The following RLF variants were observed in gnomAD, a reference collection of about 807,000 sequenced individuals.
RLF encodes zinc finger protein Rlf.
RLF carries 7 observed loss-of-function variants against 162.9 expected under a neutral mutation model. That is an observed-to-expected ratio of 0.04 (90% CI 0.02 to 0.08). The LOEUF (loss-of-function observed/expected upper bound fraction) is 0.08. Ranked by LOEUF, RLF falls within the 10% of genes least tolerant of loss-of-function variation. The pLI is 1.00. For synonymous variants in RLF, 782 were observed against 791.5 expected (o/e 0.99, Z 0.20); for missense variants, 1,664 against 2,244.7 (o/e 0.74, Z 5.23).
intron 5 of RLF, among the ~76,000 whole-genome samples, chr1:40,214,834 G>A (rs563692122): frequency 6.1e-4 from 83 of 137,046 alleles, no homozygotes; most frequent in African/African-American, 2.2e-3. Flanking sequence ...GAGGTGGGAG[G>A]ATCACTTGAG....
At chr1:40,196,168 A>G (rs1200190664) in intron 4 of RLF, among the ~76,000 whole-genome samples, 2 of 149,968 alleles carry the variant, frequency 1.3e-5, no homozygotes, top group African/African-American at 2.5e-5. Flanking sequence ...CTCTGCCTCC[A>G]GTGTTGAAGC....
intron 1 of RLF, among the ~76,000 whole-genome samples, chr1:40,186,194 C>T (rs1642478121): frequency 6.6e-6 from 1 of 151,826 alleles, no homozygotes; most frequent in South Asian, 2.1e-4. Flanking sequence ...CCTGGCTAGC[C>T]ACAGTGGTTC....
intron 5 of RLF, among the ~76,000 whole-genome samples, chr1:40,212,923 A>T (rs542709103): frequency 6.6e-6 from 1 of 152,312 alleles, no homozygotes; most frequent in South Asian, 2.1e-4. Context: ...AAGAATCAAG[A>T]TTAAGATGAA....
Position 40,161,411 on chromosome 1 carries a change from A to G in RLF, c.12A>G (p.Gly4=), listed in dbSNP as rs1478242160. The part of the protein sequence containing the change: MAD[G]KGDAAAVAGA... ...TGGGCCGTGGGAAGATGGCGGACGG[A>G]AAGGGAGACGCCGCCGCTGTCGCCG... The change falls in exon 1 of 8, where the codon GGA becomes GGG. Residue 4 remains glycine (G), a synonymous_variant. Transcript: ENST00000372771. This position sits in a 1 kb window ranked among gnomAD's most constrained non-coding sequence, Gnocchi z 4.4. The G allele has an allele frequency of 5.8e-6, 9 of 1,541,988 alleles. No homozygotes were observed. In the East Asian group the frequency reaches 9.7e-5, roughly 17 times the overall value.
chr1:40,235,110 G>A (rs1570566202), intron 7 of RLF, among the ~76,000 whole-genome samples: 1 of 138,996 alleles, frequency 7.2e-6, no homozygotes, highest in Non-Finnish European at 1.5e-5. Context: ...TGCCCAGGCT[G>A]GAGTGCAATG....
chr1:40,171,682 A>G (rs1038598677), intron 1 of RLF, among the ~76,000 whole-genome samples: 40 of 152,354 alleles, frequency 2.6e-4, no homozygotes, highest in African/African-American at 9.6e-4. Flanking sequence ...AAAGTACCAT[A>G]TAAACTCACT....
At chr1:40,217,846 A>G (rs1195209137) in intron 5 of RLF, among the ~76,000 whole-genome samples, 1 of 152,214 alleles carries the variant, frequency 6.6e-6, no homozygotes, top group Non-Finnish European at 1.5e-5. Flanking sequence ...AAGAAGTAAC[A>G]TATAACCAGC....
intron 6 of RLF, among the ~76,000 whole-genome samples, chr1:40,224,623 C>CCTTTTTTTTTTTTT (rs1643042674): frequency 3.0e-5 from 1 of 33,262 alleles, no homozygotes; most frequent in African/African-American, 1.2e-4. Context: ...TTTTTGAAAG[C>CCTTTTTTTTTTTTT]TTTTTTTTTT....
rs542490624 is a variant in RLF, at chr1:40,162,512, A to C, written c.237+876A>C. Among the ~76,000 whole-genome samples, 51 of 152,356 alleles carry C rather than the reference A, an allele frequency of 3.3e-4. 1 individual carries two copies. The South Asian group carries it at 9.5e-3, about 28-fold the overall frequency. On this transcript the variant is annotated intron_variant, in intron 1 of 7. Transcript: ENST00000372771. The stretch of plus-strand genomic sequence containing the variant: ...CTGTCAGGTTTCAGAGGCACCCATC[A>C]GCTCCTTATCTGTTGTACCTTAGAA...
At position 40,240,693 on chromosome 1, in the gene RLF, G is replaced by C; in HGVS notation, c.*246G>C. On this transcript the variant is annotated 3_prime_UTR_variant, in exon 8 of 8. Transcript: ENST00000372771. ...AAAAATGGAACTGTACACTTGTTTG[G>C]TGCTAATTAATACATCAAAATATAC... 1 of 419,810 alleles carries C rather than the reference G, an allele frequency of 2.4e-6. No individual in the cohort carries two copies. Among genetic ancestry groups the C allele is most frequent in the Non-Finnish European group, 4.3e-6 (1 of 232,728 alleles). 26.0% of individuals were successfully genotyped at this position (419,810 alleles called of 1,614,324 possible).
intron 1 of RLF, among the ~76,000 whole-genome samples, chr1:40,175,214 G>C (rs1053094463): frequency 1.5e-5 from 2 of 132,914 alleles, no homozygotes; most frequent in African/African-American, 3.0e-5. Flanking sequence ...GTGGGGGGGG[G>C]AGTTAAATCT....
At chr1:40,169,500 C>T (rs1305579017) in intron 1 of RLF, among the ~76,000 whole-genome samples, 16 of 149,994 alleles carry the variant, frequency 1.1e-4, no homozygotes, top group Non-Finnish European at 1.9e-4. Context: ...CCTGTGGTCC[C>T]AGCTACTCGG....
intron 1 of RLF, among the ~76,000 whole-genome samples, chr1:40,187,814 C>T (rs138865735): frequency 1.2e-3 from 188 of 152,190 alleles, no homozygotes; most frequent in Middle Eastern, 3.4e-3. Context: ...GCAGAAAATC[C>T]AGCAGAATCC....
In RLF at chr1:40,236,946, T is replaced by C; in HGVS notation, c.2244T>C (p.Asp748=). 1 of 1,614,144 alleles carries C rather than the reference T, an allele frequency of 6.2e-7. No homozygotes were observed. Among genetic ancestry groups the C allele is most frequent in the Non-Finnish European group, 8.5e-7 (1 of 1,180,002 alleles). The part of the protein sequence containing the change: ...GPQPYMCVSI[D]CYARFGSVNE... ...AGCCTTATATGTGTGTATCTATAGA[T>C]TGCTATGCTAGGTTTGGATCAGTAA... Residue 748 remains aspartate, a synonymous_variant, in exon 8 of 8, where the codon GAT becomes GAC. Transcript: ENST00000372771. The surrounding 1 kb of genome is among the most constrained non-coding windows in gnomAD (Gnocchi z 7.7).
At chr1:40,225,352 G>A (rs1342193972) in intron 6 of RLF, among the ~76,000 whole-genome samples, 6 of 152,074 alleles carry the variant, frequency 3.9e-5, no homozygotes, top group Non-Finnish European at 4.4e-5. Context: ...ACTGAGGCGG[G>A]TGGATCATTT....
chr1:40,170,209 T>C (rs1438062097), intron 1 of RLF, among the ~76,000 whole-genome samples: 1 of 152,222 alleles, frequency 6.6e-6, no homozygotes, highest in Non-Finnish European at 1.5e-5. Flanking sequence ...CCACTAGTTT[T>C]AATTATTTAG....
chr1:40,198,922 T>C (rs1642674465), intron 4 of RLF, among the ~76,000 whole-genome samples: 1 of 152,258 alleles, frequency 6.6e-6, no homozygotes, highest in South Asian at 2.1e-4. Flanking sequence ...TATCTTCAAA[T>C]GATTTGTAAA....
intron 5 of RLF, among the ~76,000 whole-genome samples, chr1:40,214,918 CAAA>C (rs34756935): frequency 4.9e-4 from 7 of 14,394 alleles, no homozygotes; most frequent in African/African-American, 1.4e-3. Flanking sequence ...GAGCCTGTCT[CAAA>C]AAAAAAAAAA....
At chr1:40,186,230 A>T (rs1642478666) in intron 1 of RLF, among the ~76,000 whole-genome samples, 1 of 152,142 alleles carries the variant, frequency 6.6e-6, no homozygotes, top group Admixed American at 6.6e-5. Flanking sequence ...GCTACTTGGG[A>T]GGCTGAAGTG....
Sources: allele counts gnomAD v4.1 joint callset (sites outside exome capture counted in the v4.1 genomes callset), GRCh38; gene constraint gnomAD v4.1.1; non-coding constraint Gnocchi (gnomAD v3.1); transcripts MANE v1.5; gene names NCBI Gene and HGNC (gene_info 2026-07-23, HGNC 2026-07-21).